Variants in NGF observed in about 807,000 individuals in gnomAD.
The protein encoded by NGF is beta-nerve growth factor.
In NGF, 4 loss-of-function variants were observed where a neutral mutation model predicts 12.8. That is an observed-to-expected ratio of 0.31 (90% CI 0.15 to 0.72). The LOEUF is 0.72. NGF is among the 30% of genes least tolerant of loss of function. The pLI, the probability that NGF is intolerant of heterozygous loss-of-function variation, is 0.69. For missense variants in NGF, 283 were observed against 330.8 expected, an observed-to-expected ratio of 0.86 and a Z score of 1.12; for synonymous variants, 140 against 130.0, an observed-to-expected ratio of 1.08 and a Z score of -0.52.
intron 1 of NGF, among the ~76,000 whole-genome samples, chr1:115,319,767 C>A (rs1364792980): frequency 6.6e-6 from 1 of 152,180 alleles, no homozygotes; most frequent in Non-Finnish European, 1.5e-5. Context: ...TTCTTGTGCC[C>A]CCAGTGGCCT....
chr1:115,322,875 C>G (rs1186851496), intron 1 of NGF, among the ~76,000 whole-genome samples: 1 of 152,134 alleles, frequency 6.6e-6, no homozygotes, highest in African/African-American at 2.4e-5. Context: ...ACCTCAAGCT[C>G]TAAAACATTT....
At chr1:115,302,617 C>T (rs542799614) in intron 1 of NGF, among the ~76,000 whole-genome samples, 3 of 152,212 alleles carry the variant, frequency 2.0e-5, no homozygotes, top group Admixed American at 6.5e-5. Flanking sequence ...GTGAATCAGC[C>T]GAGTTTCTGG....
At chr1:115,297,625 T>G (rs1452181247) in intron 1 of NGF, among the ~76,000 whole-genome samples, 1 of 152,154 alleles carries the variant, frequency 6.6e-6, no homozygotes, top group African/African-American at 2.4e-5. Flanking sequence ...CTGCTGATCG[T>G]TTTTCAAGGA....
In NGF at chr1:115,315,910, G is replaced by A. The variant is rs116632127; in HGVS notation, c.-136-22160C>T. 1.6e-3 allele frequency among the ~76,000 whole-genome samples: 244 copies of A among 152,256 alleles called. 2 individuals carry two copies. Among genetic ancestry groups the A allele is most frequent in the African/African-American group, 5.5e-3 (230 of 41,546 alleles). On this transcript the variant is annotated intron_variant, in intron 1 of 2. Transcript: ENST00000369512. ...TGACTTTCCTTGTCAGTCTCTTGAA[G>A]CCTCCCGAAGGTATTCTGTCTTATT...
intron 1 of NGF, among the ~76,000 whole-genome samples, chr1:115,316,042 T>A (rs947119854): frequency 6.6e-6 from 1 of 152,190 alleles, no homozygotes; most frequent in South Asian, 2.1e-4. Flanking sequence ...CTATGTGCTG[T>A]GTGATATCAC....
chr1:115,286,928 G>A, intron 2 of NGF, 121 bp from the exon 3 acceptor site: 1 of 1,255,454 alleles, frequency 8.0e-7, no homozygotes, highest in Non-Finnish European at 1.1e-6. Flanking sequence ...TTCAAACCGG[G>A]GCACTTCTGA....
At chr1:115,325,375 G>T (rs1388277060) in intron 1 of NGF, among the ~76,000 whole-genome samples, 3 of 152,048 alleles carry the variant, frequency 2.0e-5, no homozygotes, top group East Asian at 3.9e-4. Flanking sequence ...TTTGTTGCAG[G>T]TGCTTGTCCT....
Position 115,293,669 on chromosome 1 carries a change from G to A in NGF, c.-55C>T, listed in dbSNP as rs1174828221. 6.5e-6 allele frequency: 1 copy of A among 152,816 alleles called. No homozygotes were observed. The highest frequency in any genetic ancestry group is 1.5e-5 in the Non-Finnish European group (1 of 68,232). 9.5% of individuals were successfully genotyped at this position (152,816 alleles called of 1,614,324 possible). ...AGAAAGCTGCTCCCTTGGTAAAACTGTTATTGGGTCCGGACGCTGAGCTGA... is the reference window on the plus strand; with the variant it reads ...AGAAAGCTGCTCCCTTGGTAAAACTATTATTGGGTCCGGACGCTGAGCTGA... On this transcript the variant is annotated 5_prime_UTR_variant, in exon 2 of 3. Coordinates refer to ENST00000369512, the MANE Select transcript of NGF (RefSeq NM_002506.3).
chr1:115,286,414 A>G lies in NGF; in HGVS notation c.382T>C (p.Phe128Leu). 6.2e-7 allele frequency: 1 copy of G among 1,613,812 alleles called. No homozygotes were observed. Among genetic ancestry groups the G allele is most frequent in the African/African-American group, 1.3e-5 (1 of 74,984 alleles). The change falls in exon 3 of 3, where the codon TTC (phenylalanine) becomes CTC (leucine). Residue 128 changes from phenylalanine to leucine, a missense_variant. Physicochemically the swap from Phe to Leu is conservative, Grantham distance 22. This residue lies in a region of NGF where 132 missense variants were observed against 189.2 expected (regional missense o/e 0.70). Coordinates refer to ENST00000369512, the MANE Select transcript of NGF (RefSeq NM_002506.3). ...CACACCGAGAATTCGCCCCTGTGGAAGATGGGATGGGATGATGACCGCTTG... is the reference window on the plus strand; with the variant it reads ...CACACCGAGAATTCGCCCCTGTGGAGGATGGGATGGGATGATGACCGCTTG... ...RSKRSSSHPI[F>L]HRGEFSVCDS...
At chr1:115,311,699 T>A (rs1358675254) in intron 1 of NGF, among the ~76,000 whole-genome samples, 1 of 152,120 alleles carries the variant, frequency 6.6e-6, no homozygotes, top group Non-Finnish European at 1.5e-5. Flanking sequence ...ACTTCCTTGT[T>A]TACTTACAAA....
chr1:115,298,217 A>C (rs1036958896), intron 1 of NGF, among the ~76,000 whole-genome samples: 1 of 152,162 alleles, frequency 6.6e-6, no homozygotes, highest in Admixed American at 6.6e-5. Context: ...CTTGCATGCC[A>C]CTTAAAATGT....
chr1:115,294,919 A>G (rs1315446531), intron 1 of NGF, among the ~76,000 whole-genome samples: 1 of 152,238 alleles, frequency 6.6e-6, no homozygotes, highest in African/African-American at 2.4e-5. Flanking sequence ...GCTTTGAACA[A>G]GAGGGTGATA....
At chr1:115,329,042 G>A (rs540332861) in intron 1 of NGF, among the ~76,000 whole-genome samples, 8 of 152,104 alleles carry the variant, frequency 5.3e-5, no homozygotes, top group Admixed American at 3.9e-4. Flanking sequence ...AAGAAAGAGG[G>A]AAGAGGAAGA....
rs538408528 is a variant in NGF, at chr1:115,313,633, C to T, written c.-136-19883G>A. Among the ~76,000 whole-genome samples, 8 of 152,250 alleles carry T rather than the reference C, an allele frequency of 5.3e-5. No homozygotes were observed. In the East Asian group the frequency reaches 1.5e-3, roughly 29 times the overall value. On this transcript the variant is annotated intron_variant, in intron 1 of 2. Transcript: ENST00000369512. The stretch of plus-strand genomic sequence containing the variant: ...GCATAATTGTTTGTTTTCTGATCAG[C>T]TTTTGAAACAAATCTTCCAGATACT...
At chr1:115,325,120 G>A (rs1051165280) in intron 1 of NGF, among the ~76,000 whole-genome samples, 4 of 152,122 alleles carry the variant, frequency 2.6e-5, no homozygotes, top group Admixed American at 6.5e-5. Flanking sequence ...TAAAAATGTC[G>A]ATCAGAAGCT....
intron 1 of NGF, among the ~76,000 whole-genome samples, chr1:115,329,636 A>G (rs992674728): frequency 6.6e-6 from 1 of 152,022 alleles, no homozygotes; most frequent in Non-Finnish European, 1.5e-5. Flanking sequence ...TCCAATGCAT[A>G]TTAATTTTTG....
At chr1:115,322,062 T>C (rs1654645330) in intron 1 of NGF, among the ~76,000 whole-genome samples, 1 of 152,194 alleles carries the variant, frequency 6.6e-6, no homozygotes, top group East Asian at 1.9e-4. Flanking sequence ...AGACAAAATA[T>C]CCTCACGGCA....
At chr1:115,330,325 C>A (rs1000090837) in intron 1 of NGF, among the ~76,000 whole-genome samples, 1 of 152,178 alleles carries the variant, frequency 6.6e-6, no homozygotes, top group Admixed American at 6.5e-5. Context: ...GCACTGACTG[C>A]TAATATTTTA....
chr1:115,295,033 C>T (rs1021190951), intron 1 of NGF, among the ~76,000 whole-genome samples: 7 of 152,184 alleles, frequency 4.6e-5, no homozygotes, highest in South Asian at 4.1e-4. Flanking sequence ...CTTTCCTGTC[C>T]GTATTCTCTC....
Sources: allele counts gnomAD v4.1 joint callset (sites outside exome capture counted in the v4.1 genomes callset), GRCh38; gene constraint gnomAD v4.1.1; regional missense constraint gnomAD v4.1.1; transcripts MANE v1.5; gene names NCBI Gene and HGNC (gene_info 2026-07-23, HGNC 2026-07-21).